ATXN7L1: variants seen among roughly 807,000 people sequenced by gnomAD.
ATXN7L1 encodes ataxin 7 like 1.
A neutral mutation model predicts 70.8 loss-of-function variants in ATXN7L1; 15 were observed. The ratio of observed to expected loss-of-function variants is 0.21; its 90% CI spans 0.14 to 0.33. The LOEUF is 0.33. Among genes scored for constraint, ATXN7L1 ranks in the 10% least tolerant of loss-of-function variants. ATXN7L1 has a pLI of 1.00. For missense variants in ATXN7L1, 975 were observed against 1,097.1 expected (o/e 0.89, Z 1.57); for synonymous variants, 440 against 445.1 (o/e 0.99, Z 0.14).
chr7:105,610,853 T>G (rs1468216172), intron 10 of ATXN7L1, among the ~76,000 whole-genome samples: 3 of 152,232 alleles, frequency 2.0e-5, no homozygotes, highest in African/African-American at 7.2e-5. Context: ...GCTCCCTAGC[T>G]GGCCGGGACA....
intron 2 of ATXN7L1, among the ~76,000 whole-genome samples, chr7:105,845,272 C>T (rs1298741367): frequency 7.1e-6 from 1 of 140,698 alleles, no homozygotes; most frequent in Admixed American, 7.1e-5. Context: ...AATGGACAAT[C>T]AGTAAAATTA....
At chr7:105,718,071 T>C (rs941238603) in intron 3 of ATXN7L1, among the ~76,000 whole-genome samples, 2 of 152,210 alleles carry the variant, frequency 1.3e-5, no homozygotes, top group African/African-American at 4.8e-5. Context: ...GAAGGGGCAG[T>C]GAAGAGTAAA....
chr7:105,762,007 C>T (rs532995132), intron 3 of ATXN7L1, among the ~76,000 whole-genome samples: 1 of 152,274 alleles, frequency 6.6e-6, no homozygotes, highest in Non-Finnish European at 1.5e-5. Flanking sequence ...GCTCTGCATT[C>T]TCAAAAGAAG....
chr7:105,672,944 G>A (rs1804000712), intron 3 of ATXN7L1, among the ~76,000 whole-genome samples: 1 of 152,198 alleles, frequency 6.6e-6, no homozygotes, highest in Non-Finnish European at 1.5e-5. Flanking sequence ...TCCACCACAG[G>A]AAGTCCAGGC....
At chr7:105,671,722 C>T (rs1803726548) in intron 3 of ATXN7L1, among the ~76,000 whole-genome samples, 1 of 151,214 alleles carries the variant, frequency 6.6e-6, no homozygotes, top group South Asian at 2.1e-4. Flanking sequence ...ATGGTGAAAC[C>T]CTGCTTCTAC....
chr7:105,626,814 T>C (rs558923695), intron 7 of ATXN7L1, among the ~76,000 whole-genome samples: 1 of 152,346 alleles, frequency 6.6e-6, no homozygotes, highest in South Asian at 2.1e-4. Flanking sequence ...TCAAGTGTTA[T>C]TAGCATTTTT....
At chr7:105,657,075 G>A (rs1481895317) in intron 4 of ATXN7L1, among the ~76,000 whole-genome samples, 5 of 152,102 alleles carry the variant, frequency 3.3e-5, no homozygotes, top group Non-Finnish European at 7.4e-5. Context: ...TAAGGGCCAC[G>A]GTCCAGTATG....
chr7:105,617,769 G>A, intron 9 of ATXN7L1: 1 of 360,218 alleles, frequency 2.8e-6, no homozygotes, highest in South Asian at 2.1e-5. Flanking sequence ...CCTGCCAGGT[G>A]GCATGGAGGT....
At chr7:105,736,076 CTA>C (rs1270305360) in intron 3 of ATXN7L1, among the ~76,000 whole-genome samples, 2 of 152,168 alleles carry the variant, frequency 1.3e-5, no homozygotes, top group African/African-American at 4.8e-5. Context: ...CAAAGGGACT[CTA>C]GAGTTCCTTG....
At chr7:105,657,249 G>T (rs1177240148) in intron 4 of ATXN7L1, among the ~76,000 whole-genome samples, 1 of 152,162 alleles carries the variant, frequency 6.6e-6, no homozygotes, top group Non-Finnish European at 1.5e-5. Flanking sequence ...GGAGAAAGGA[G>T]TTGGAATTTA....
intron 2 of ATXN7L1, among the ~76,000 whole-genome samples, chr7:105,807,168 T>C (rs1483318384): frequency 6.6e-6 from 1 of 152,136 alleles, no homozygotes; most frequent in Non-Finnish European, 1.5e-5. Context: ...GCCAGCTACA[T>C]TGGGTGCTGA....
intron 2 of ATXN7L1, among the ~76,000 whole-genome samples, chr7:105,863,804 G>A (rs1157068928): frequency 6.6e-6 from 1 of 152,206 alleles, no homozygotes; most frequent in East Asian, 1.9e-4. Flanking sequence ...ATTTAGCCCT[G>A]TGCCTGGCAC....
At chr7:105,683,295 GT>G (rs1805767703) in intron 3 of ATXN7L1, among the ~76,000 whole-genome samples, 3 of 152,232 alleles carry the variant, frequency 2.0e-5, no homozygotes, top group Admixed American at 2.0e-4. Flanking sequence ...TCTCCTTTAC[GT>G]ATTGATACTG....
At chr7:105,815,606 C>A (rs553468520) in intron 2 of ATXN7L1, among the ~76,000 whole-genome samples, 1 of 152,342 alleles carries the variant, frequency 6.6e-6, no homozygotes, top group Admixed American at 6.5e-5. Context: ...CACTTTCAGA[C>A]CCACATGGCG....
In ATXN7L1 at chr7:105,605,130, G is replaced by A. The variant is rs182802460; in HGVS notation, c.*2722C>T. On this transcript the variant is annotated 3_prime_UTR_variant, in exon 12 of 12. Coordinates refer to ENST00000419735, the MANE Select transcript of ATXN7L1 (RefSeq NM_020725.2). ...CCAGAGCTTTCGAGCCTCTATGGCT[G>A]GCGACAAGTCAGGAGATCTTCAGGC... The A allele has an allele frequency of 2.2e-4, 31 of 141,614 alleles. 1 individual carries two copies. In the Admixed American group the frequency reaches 2.2e-3, roughly 10 times the overall value. The allele number at this position is 141,614 out of a possible 1,614,324, so 8.8% of individuals were successfully genotyped here.
intron 10 of ATXN7L1, among the ~76,000 whole-genome samples, 172 bp from the exon 11 acceptor site, chr7:105,610,775 AGAGG>A (rs1007210303): frequency 2.6e-5 from 4 of 152,240 alleles, no homozygotes; most frequent in African/African-American, 9.6e-5. Flanking sequence ...AAAATGTTGC[AGAGG>A]GTGCCTTGAG....
intron 3 of ATXN7L1, among the ~76,000 whole-genome samples, chr7:105,721,890 G>C (rs1300116743): frequency 6.6e-6 from 1 of 152,230 alleles, no homozygotes; most frequent in African/African-American, 2.4e-5. Context: ...AATGAGAATA[G>C]GGTAGCCTAA....
intron 10 of ATXN7L1, among the ~76,000 whole-genome samples, chr7:105,612,197 A>G (rs1793215888): frequency 1.3e-5 from 2 of 152,238 alleles, no homozygotes; most frequent in South Asian, 4.1e-4. Flanking sequence ...TTTAAATCCT[A>G]GCCTAACTAC....
intron 2 of ATXN7L1, among the ~76,000 whole-genome samples, chr7:105,825,086 A>C (rs1043646470): frequency 1.3e-5 from 2 of 152,258 alleles, no homozygotes. Context: ...CACTAGAGCC[A>C]GAGGACAATA....
Sources: allele counts gnomAD v4.1 joint callset (sites outside exome capture counted in the v4.1 genomes callset), GRCh38; gene constraint gnomAD v4.1.1; transcripts MANE v1.5; gene names NCBI Gene and HGNC (gene_info 2026-07-23, HGNC 2026-07-21).